Variants in RGMA observed in about 807,000 individuals in gnomAD.
The protein encoded by RGMA is repulsive guidance molecule A.
In RGMA, 10 loss-of-function variants were observed where a neutral mutation model predicts 23.2. The observed-to-expected ratio is 0.43, with a 90% CI of 0.27 to 0.73. The LOEUF is 0.73. RGMA is among the 30% of genes least tolerant of loss of function. RGMA has a pLI of 0.20. For missense variants in RGMA, 547 were observed against 630.5 expected (o/e 0.87, Z 1.42); for synonymous variants, 308 against 279.3 (o/e 1.10, Z -1.03).
intron 1 of RGMA, among the ~76,000 whole-genome samples, chr15:93,082,769 A>G (rs933607544): frequency 6.6e-6 from 1 of 152,224 alleles, no homozygotes; most frequent in African/African-American, 2.4e-5. Context: ...TAGATTATGG[A>G]ATTGTTTGTC....
At chr15:93,046,694 C>A (rs1035417542) in intron 3 of RGMA, among the ~76,000 whole-genome samples, 1 of 152,122 alleles carries the variant, frequency 6.6e-6, no homozygotes, top group Non-Finnish European at 1.5e-5. Context: ...GCCACTGTCC[C>A]AAGGCTGCTG....
chr15:93,065,753 T>G, intron 2 of RGMA: 1 of 1,187,498 alleles, frequency 8.4e-7, no homozygotes, highest in East Asian at 2.9e-5. Flanking sequence ...TGGCTGGGCT[T>G]GGTCTCACCG....
intron 1 of RGMA, among the ~76,000 whole-genome samples, chr15:93,084,355 A>G (rs1236799120): frequency 6.6e-6 from 1 of 152,258 alleles, no homozygotes; most frequent in Non-Finnish European, 1.5e-5. Flanking sequence ...CCGGCAAGGC[A>G]TTCATCAGCA....
chr15:93,069,116 T>G (rs113495210), intron 2 of RGMA, among the ~76,000 whole-genome samples: 1 of 148,408 alleles, frequency 6.7e-6, no homozygotes, highest in East Asian at 2.0e-4. Flanking sequence ...ATTTTTTTTT[T>G]GTTTGTTTTT....
rs1447834149 is a variant in RGMA at position 93,045,167 on chromosome 15, T to C, written c.1184A>G (p.Tyr395Cys). ...CATCTTGACATCCTCCAACGCGTAG[T>C]AGGCGGCCAGTGTGAAGTTCACGTC... ...TGDVNFTLAA[Y>C]YALEDVKMLH... The change falls in exon 4 of 4, where the codon TAC becomes TGC. Residue 395 changes from tyrosine to cysteine, a missense_variant. Around this residue, in one of 3 missense-constraint regions of RGMA, gnomAD observed 205 missense variants for 204.1 expected, o/e 1.00. Transcript: ENST00000329082. This position sits in a 1 kb window ranked among gnomAD's most constrained non-coding sequence, Gnocchi z 6.9. 2 of 1,607,650 alleles carry C rather than the reference T, an allele frequency of 1.2e-6. No individual in the cohort carries two copies. The highest frequency in any genetic ancestry group is 2.2e-5 in the East Asian group (1 of 44,610).
At chr15:93,065,633 G>A (rs1895117953) in intron 2 of RGMA, 1 of 889,540 alleles carries the variant, frequency 1.1e-6, no homozygotes, top group Non-Finnish European at 1.8e-6. Context: ...AGGGGCTGAG[G>A]TCTCAGGGGC....
intron 2 of RGMA, among the ~76,000 whole-genome samples, chr15:93,057,242 C>G (rs559116444): frequency 3.8e-4 from 58 of 152,292 alleles, no homozygotes; most frequent in African/African-American, 1.3e-3. Context: ...AGGGAGAGCG[C>G]TATAGACTGA....
chr15:93,060,800 C>T lies in RGMA; in HGVS notation c.131-8293G>A, dbSNP rs570459163. 2.2e-3 allele frequency among the ~76,000 whole-genome samples: 338 copies of T among 152,354 alleles called. 4 individuals carry two copies. Among genetic ancestry groups the T allele is most frequent in the Non-Finnish European group, 3.7e-3 (252 of 68,032 alleles). On this transcript the variant is annotated intron_variant, in intron 2 of 3. Coordinates refer to ENST00000329082, the MANE Select transcript of RGMA (RefSeq NM_020211.3). ...GGACATCTCCCTGCAGCACTCCTGC[C>T]GGGGCAGGGCTGGCCCCTCCTGCTC...
chr15:93,069,056 A>G (rs551562359), intron 2 of RGMA, among the ~76,000 whole-genome samples: 112 of 152,334 alleles, frequency 7.4e-4, no homozygotes, highest in Non-Finnish European at 1.2e-3. Flanking sequence ...TGGGACACAA[A>G]GTCCTACTGG....
At position 93,082,004 on chromosome 15, in the gene RGMA, T is replaced by C. The variant is rs77405953; in HGVS notation, c.14+6915A>G. Among the ~76,000 whole-genome samples, 1,288 of 152,360 alleles carry C rather than the reference T, an allele frequency of 8.5e-3. 13 individuals carry two copies. The highest frequency in any genetic ancestry group is 0.029 in the African/African-American group (1,195 of 41,596). ...AAGAACATGCAGTCCGAACACAGAC[T>C]CTCTAGAGCTCAGTTATTTCATCCG... On this transcript the variant is annotated intron_variant, in intron 1 of 3. Coordinates refer to ENST00000329082, the MANE Select transcript of RGMA (RefSeq NM_020211.3).
intron 3 of RGMA, among the ~76,000 whole-genome samples, chr15:93,047,964 G>A (rs543723573): frequency 3.3e-5 from 5 of 152,306 alleles, no homozygotes; most frequent in African/African-American, 4.8e-5. Context: ...GTGGGGTCTG[G>A]CCAGGAATGC....
intron 1 of RGMA, chr15:93,074,054 G>A: frequency 7.4e-7 from 1 of 1,345,404 alleles, no homozygotes. Flanking sequence ...GGTTCCCTGG[G>A]CCCTGCAGTT....
At chr15:93,065,642 G>A (rs1294191133) in intron 2 of RGMA, 3 of 928,422 alleles carry the variant, frequency 3.2e-6, no homozygotes, top group African/African-American at 1.7e-5. Flanking sequence ...GGTCTCAGGG[G>A]CTGCGGGCTG....
At position 93,043,695 on chromosome 15, in the gene RGMA, G is replaced by GGGAGGGGGAGACACACGTTCTGCA. The variant is rs1262615751; in HGVS notation, c.*1279_*1302dup. 3 of 151,770 alleles carry GGGAGGGGGAGACACACGTTCTGCA rather than the reference G, an allele frequency of 2.0e-5. No individual in the cohort carries two copies. The highest frequency in any genetic ancestry group is 2.9e-5 in the Non-Finnish European group (2 of 67,960). The allele number at this position is 151,770 out of a possible 1,614,324, so 9.4% of individuals were successfully genotyped here. The stretch of plus-strand genomic sequence containing the variant: ...GGCAGAGGGAGCAGGACCTCTTGGA[G>GGGAGGGGGAGACACACGTTCTGCA]GGAGGGGGAGACACACGTTCTGCAG... On this transcript the variant is annotated 3_prime_UTR_variant, in exon 4 of 4. Coordinates refer to ENST00000329082, the MANE Select transcript of RGMA (RefSeq NM_020211.3).
In RGMA at chr15:93,066,268, C is replaced by A. The variant is rs771134290; in HGVS notation, c.130+6648G>T. On this transcript the variant is annotated intron_variant, in intron 2 of 3. Coordinates refer to ENST00000329082, the MANE Select transcript of RGMA (RefSeq NM_020211.3). ...CTTCTTTTAATAGCTGTCTGGTGAA[C>A]AAAGACATCTTCCTTGGCGTCATTC... 5 of 1,097,612 alleles carry A rather than the reference C, an allele frequency of 4.6e-6. No individual in the cohort carries two copies. In the South Asian group the frequency reaches 6.3e-5, roughly 14 times the overall value. 68.0% of individuals were successfully genotyped at this position (1,097,612 alleles called of 1,614,324 possible). A position where few individuals can be genotyped will look rare whatever the true frequency, so the allele number is the denominator to read the frequency against.
chr15:93,070,455 C>T (rs1488523341), intron 2 of RGMA, among the ~76,000 whole-genome samples: 1 of 152,160 alleles, frequency 6.6e-6, no homozygotes, highest in African/African-American at 2.4e-5. Flanking sequence ...GGCTTTATTT[C>T]TCGATCTCCC....
rs887304824 is a variant in RGMA at position 93,075,404 on chromosome 15, G to A, written c.15-2373C>T. ...TAGGAACAGTATCTAAAAAGAACCCGTCGTCCACACTGCCCCAAAAAAGAC... is the reference window on the plus strand; with the variant it reads ...TAGGAACAGTATCTAAAAAGAACCCATCGTCCACACTGCCCCAAAAAAGAC... On this transcript the variant is annotated intron_variant, in intron 1 of 3. Coordinates refer to ENST00000329082, the MANE Select transcript of RGMA (RefSeq NM_020211.3). Among the ~76,000 whole-genome samples the A allele has an allele frequency of 4.6e-5, 7 of 152,022 alleles. No individual in the cohort carries two copies. The South Asian group carries it at 1.2e-3, about 27-fold the overall frequency.
At chr15:93,065,926 C>T (rs368043465) in intron 2 of RGMA, 22 of 746,504 alleles carry the variant, frequency 2.9e-5, no homozygotes, top group African/African-American at 5.2e-5. Context: ...CCGAGGGACT[C>T]GCACAAACCA....
At chr15:93,057,014 A>C (rs1379603652) in intron 2 of RGMA, among the ~76,000 whole-genome samples, 2 of 152,140 alleles carry the variant, frequency 1.3e-5, no homozygotes, top group Non-Finnish European at 2.9e-5. Context: ...AAGCTCCAGC[A>C]GATGTGGCAT....
Sources: gnomAD v4.1 joint callset for allele counts (sites outside exome capture counted in the v4.1 genomes callset) on GRCh38, gnomAD v4.1.1 for gene constraint, gnomAD v4.1.1 regional missense constraint, Gnocchi (gnomAD v3.1) non-coding constraint, MANE v1.5 for transcripts, NCBI Gene and HGNC (gene_info 2026-07-23, HGNC 2026-07-21) for gene names.